DPYSL2: variants seen among roughly 807,000 people sequenced by gnomAD.
DPYSL2 encodes dihydropyrimidinase like 2, also known as dihydropyrimidinase-related protein 2.
In DPYSL2, 13 loss-of-function variants were observed where a neutral mutation model predicts 69.9. That is an observed-to-expected ratio of 0.19 (90% CI 0.12 to 0.30). The LOEUF (loss-of-function observed/expected upper bound fraction) is 0.30, where lower values mean the gene tolerates loss of function less well. Ranked by LOEUF, DPYSL2 falls within the 10% of genes least tolerant of loss-of-function variation. DPYSL2 has a pLI of 1.00. For missense variants in DPYSL2, 587 were observed against 918.9 expected, an observed-to-expected ratio of 0.64 and a Z score of 4.67; for synonymous variants, 326 against 359.1, an observed-to-expected ratio of 0.91 and a Z score of 1.04.
At chr8:26,530,345 A>G (rs1800486271) in intron 1 of DPYSL2, among the ~76,000 whole-genome samples, 2 of 152,268 alleles carry the variant, frequency 1.3e-5, no homozygotes, top group South Asian at 4.1e-4. Flanking sequence ...TCTTAGCTTC[A>G]TCACAGCACA....
At chr8:26,554,135 G>A (rs546011481) in intron 1 of DPYSL2, among the ~76,000 whole-genome samples, 11 of 152,010 alleles carry the variant, frequency 7.2e-5, no homozygotes, top group South Asian at 2.1e-4. Flanking sequence ...TGATCCACCC[G>A]CCTTGGCCTC....
intron 7 of DPYSL2, among the ~76,000 whole-genome samples, chr8:26,631,842 C>T (rs974689787): frequency 1.1e-4 from 17 of 152,236 alleles, no homozygotes; most frequent in Admixed American, 5.9e-4. Context: ...AGGCACCTGC[C>T]GGCTGACGTC....
intron 3 of DPYSL2, among the ~76,000 whole-genome samples, chr8:26,612,865 C>T (rs1046353620): frequency 6.6e-6 from 1 of 152,234 alleles, no homozygotes; most frequent in African/African-American, 2.4e-5. Flanking sequence ...TGAGCTCCCA[C>T]ATTCTGTCTG....
In DPYSL2 at chr8:26,642,391, T is replaced by G. The variant is rs1159604893; in HGVS notation, c.1127-1048T>G. ...GCATCTGATGCTTTGGTGAGGAGGA[T>G]TTTCTTTTAAGTCCTTGAATGCAGA... On this transcript the variant is annotated intron_variant, in intron 8 of 13. Transcript: ENST00000521913. The surrounding 1 kb of genome is among the most constrained non-coding windows in gnomAD (Gnocchi z 5.3). 6.6e-6 allele frequency among the ~76,000 whole-genome samples: 1 copy of G among 152,082 alleles called. No individual in the cohort carries two copies. Among genetic ancestry groups the G allele is most frequent in the African/African-American group, 2.4e-5 (1 of 41,398 alleles).
At position 26,618,116 on chromosome 8, in the gene DPYSL2, T is replaced by G. The variant is rs182553112; in HGVS notation, c.629-6027T>G. On this transcript the variant is annotated intron_variant, in intron 3 of 13. Coordinates refer to ENST00000521913, the MANE Select transcript of DPYSL2 (RefSeq NM_001197293.3). ...CAGAGACTGCTTGTAACTTGCAAAT[T>G]CAGGCCACTGTCCTGGGGCATGTTC... Among the ~76,000 whole-genome samples, 126 of 152,264 alleles carry G rather than the reference T, an allele frequency of 8.3e-4. 1 individual carries two copies. The highest frequency in any genetic ancestry group is 2.4e-4 in the Non-Finnish European group (16 of 68,008).
rs1554537076 is a variant in DPYSL2 at position 26,569,377 on chromosome 8, C to CCA, written c.355-12592_355-12591insCA. ...TCCAAAAAAAAAACAAAAACAAAAA[C>CCA]AAAAAAAAACCAAAGAAAAACCCAA... On this transcript the variant is annotated intron_variant, in intron 1 of 13. Transcript: ENST00000521913. Among the ~76,000 whole-genome samples, 262 of 126,590 alleles carry CCA rather than the reference C, an allele frequency of 2.1e-3. 12 individuals are homozygous for CCA. The highest frequency in any genetic ancestry group is 7.2e-3 in the African/African-American group (247 of 34,474). The allele number at this position is 126,590 out of a possible 152,430, so 83.0% of individuals were successfully genotyped here.
At chr8:26,527,862 G>T (rs1308896945) in intron 1 of DPYSL2, among the ~76,000 whole-genome samples, 1 of 146,258 alleles carries the variant, frequency 6.8e-6, no homozygotes, top group Non-Finnish European at 1.5e-5. Flanking sequence ...GAGTATAGTG[G>T]CGGGATCTGG....
intron 1 of DPYSL2, among the ~76,000 whole-genome samples, chr8:26,566,056 C>T (rs572892616): frequency 2.0e-5 from 3 of 152,316 alleles, no homozygotes; most frequent in African/African-American, 7.2e-5. Context: ...GTGGCCTCTG[C>T]TACATCTCAG....
intron 1 of DPYSL2, among the ~76,000 whole-genome samples, chr8:26,553,560 G>A (rs557936230): frequency 4.5e-4 from 68 of 152,170 alleles, no homozygotes; most frequent in African/African-American, 1.6e-3. Flanking sequence ...ACATGATCTC[G>A]TTCTTTTTTA....
chr8:26,602,137 A>AT (rs1563404933), intron 3 of DPYSL2, among the ~76,000 whole-genome samples: 15 of 135,940 alleles, frequency 1.1e-4, no homozygotes, highest in Middle Eastern at 4.0e-3. Context: ...AAACAAAGGA[A>AT]ATTTTTTTTT....
At chr8:26,584,120 G>A (rs1353497177) in intron 3 of DPYSL2, 137 bp downstream of exon 3, 4 of 810,162 alleles carry the variant, frequency 4.9e-6, no homozygotes, top group Non-Finnish European at 7.7e-6. Flanking sequence ...GGGTGAGGAT[G>A]TGTTAACCAT....
intron 1 of DPYSL2, among the ~76,000 whole-genome samples, chr8:26,521,925 T>C (rs1269299101): frequency 6.6e-6 from 1 of 152,242 alleles, no homozygotes; most frequent in Non-Finnish European, 1.5e-5. Context: ...GTTTTTCCAA[T>C]TATTTGATGG....
intron 3 of DPYSL2, among the ~76,000 whole-genome samples, chr8:26,608,411 G>T (rs1802155378): frequency 6.6e-6 from 1 of 152,138 alleles, no homozygotes; most frequent in African/African-American, 2.4e-5. Flanking sequence ...TGTACTTAGA[G>T]GAGTTTTATA....
intron 1 of DPYSL2, among the ~76,000 whole-genome samples, chr8:26,543,767 G>A (rs1192174022): frequency 6.6e-6 from 1 of 152,124 alleles, no homozygotes; most frequent in African/African-American, 2.4e-5. Context: ...GATTACAGGC[G>A]TGAGCCACCG....
At chr8:26,612,073 C>T (rs901695376) in intron 3 of DPYSL2, among the ~76,000 whole-genome samples, 1 of 152,228 alleles carries the variant, frequency 6.6e-6, no homozygotes, top group Non-Finnish European at 1.5e-5. Context: ...GCTAGTTGAT[C>T]TGATCTCTCA....
chr8:26,576,061 GA>G (rs1299190232), intron 1 of DPYSL2, among the ~76,000 whole-genome samples: 4 of 152,214 alleles, frequency 2.6e-5, no homozygotes, highest in African/African-American at 9.6e-5. Context: ...CAGATTGCTG[GA>G]GGGGGAAGTG....
chr8:26,576,960 G>A, intron 1 of DPYSL2: 1 of 294,904 alleles, frequency 3.4e-6, no homozygotes, highest in South Asian at 2.4e-5. Context: ...GGGCGTGACT[G>A]TAAAGCGGGC....
chr8:26,519,078 A>G (rs1228781466), intron 1 of DPYSL2, among the ~76,000 whole-genome samples: 1 of 152,202 alleles, frequency 6.6e-6, no homozygotes, highest in Non-Finnish European at 1.5e-5. Flanking sequence ...TGACCTTTGC[A>G]TATTGCATAT....
At position 26,564,994 on chromosome 8, in the gene DPYSL2, G is replaced by C. The variant is rs1436237772; in HGVS notation, c.355-16975G>C. ...TATGCCTTTGTGTATTCATAGCTTAGCTCCCTCTTATAAGTGAGAACATAC... is the reference window on the plus strand; with the variant it reads ...TATGCCTTTGTGTATTCATAGCTTACCTCCCTCTTATAAGTGAGAACATAC... On this transcript the variant is annotated intron_variant, in intron 1 of 13. Coordinates refer to ENST00000521913, the MANE Select transcript of DPYSL2 (RefSeq NM_001197293.3). The surrounding 1 kb of genome is among the most constrained non-coding windows in gnomAD (Gnocchi z 4.8). Among the ~76,000 whole-genome samples the C allele has an allele frequency of 6.6e-6, 1 of 152,050 alleles. No homozygotes were observed. The highest frequency in any genetic ancestry group is 1.9e-4 in the East Asian group (1 of 5,192).
Sources: gnomAD v4.1 joint callset for allele counts (sites outside exome capture counted in the v4.1 genomes callset) on GRCh38, gnomAD v4.1.1 for gene constraint, Gnocchi (gnomAD v3.1) non-coding constraint, MANE v1.5 for transcripts, NCBI Gene and HGNC (gene_info 2026-07-23, HGNC 2026-07-21) for gene names.